Variants in CLASP1 observed in about 807,000 individuals in gnomAD.
The protein encoded by CLASP1 is CLIP-associating protein 1.
In CLASP1, 38 loss-of-function variants were observed where a neutral mutation model predicts 192.3. The ratio of observed to expected loss-of-function variants is 0.20; its 90% confidence interval spans 0.15 to 0.26. The LOEUF is 0.26. CLASP1 is among the 10% of genes least tolerant of loss of function. The probability of loss-of-function intolerance (pLI) is 1.00; values close to 1 mark genes in which losing one functional copy is unlikely to be tolerated. For missense variants in CLASP1, 1,433 were observed against 1,932.5 expected (o/e 0.74, Z 4.85); for synonymous variants, 691 against 712.8 (o/e 0.97, Z 0.49).
At chr2:121,525,730 A>C (rs1575660801) in intron 6 of CLASP1, 115 bp downstream of exon 6, 1 of 684,796 alleles carries the variant, frequency 1.5e-6, no homozygotes, top group Admixed American at 2.4e-5. Context: ...CTCTTAAATA[A>C]TCATCAGTGT....
intron 2 of CLASP1, among the ~76,000 whole-genome samples, chr2:121,600,931 T>C (rs1342990181): frequency 1.3e-5 from 2 of 152,204 alleles, no homozygotes; most frequent in East Asian, 1.9e-4. Flanking sequence ...GGTGCTGGGA[T>C]GGGCACGCAA....
intron 23 of CLASP1, among the ~76,000 whole-genome samples, chr2:121,418,373 A>G (rs1307704237): frequency 1.3e-5 from 2 of 152,276 alleles, no homozygotes; most frequent in Admixed American, 6.5e-5. Context: ...GGCTTGCCCA[A>G]GAGCAAGTGG....
At chr2:121,605,589 T>C in intron 2 of CLASP1, 112 bp downstream of exon 2, 1 of 717,020 alleles carries the variant, frequency 1.4e-6, no homozygotes, top group Non-Finnish European at 2.4e-6. Flanking sequence ...AGTGTCTTAC[T>C]AGAAACCAAG....
At chr2:121,369,818 T>G (rs999664517) in intron 34 of CLASP1, among the ~76,000 whole-genome samples, 1 of 152,258 alleles carries the variant, frequency 6.6e-6, no homozygotes, top group Non-Finnish European at 1.5e-5. Context: ...AAATAAGCTA[T>G]CTTATGGAAA....
chr2:121,563,884 C>A (rs1156237762), intron 2 of CLASP1, among the ~76,000 whole-genome samples: 1 of 152,170 alleles, frequency 6.6e-6, no homozygotes, highest in African/African-American at 2.4e-5. Context: ...GTTTATTGGA[C>A]TTACAGTTCC....
intron 19 of CLASP1, chr2:121,445,512 AG>A: frequency 7.8e-7 from 1 of 1,283,524 alleles, no homozygotes; most frequent in South Asian, 1.2e-5. Flanking sequence ...AGTTTGGAAA[AG>A]GATCATCAGC....
chr2:121,607,184 TA>T (rs1265445662), intron 1 of CLASP1, among the ~76,000 whole-genome samples: 1 of 151,586 alleles, frequency 6.6e-6, no homozygotes, highest in Non-Finnish European at 1.5e-5. Context: ...TCTAAAAATA[TA>T]AAAACTAGCC....
chr2:121,632,231 T>C (rs1161353613), intron 1 of CLASP1, among the ~76,000 whole-genome samples: 1 of 151,954 alleles, frequency 6.6e-6, no homozygotes, highest in Non-Finnish European at 1.5e-5. Flanking sequence ...GCGACAGAGC[T>C]TTGTCTCAAA....
chr2:121,414,584 AG>A (rs1195374078), intron 23 of CLASP1, among the ~76,000 whole-genome samples: 7 of 152,200 alleles, frequency 4.6e-5, no homozygotes, highest in African/African-American at 1.4e-4. Context: ...GCGGAATGGC[AG>A]TAAGACGGAT....
intron 32 of CLASP1, 112 bp downstream of exon 33, chr2:121,387,010 C>T (rs975897612): frequency 5.7e-6 from 5 of 879,076 alleles, no homozygotes; most frequent in South Asian, 1.5e-5. Context: ...GTTCTTGATA[C>T]TCAATATTCT....
chr2:121,634,152 G>A (rs2070356361), intron 1 of CLASP1, among the ~76,000 whole-genome samples: 1 of 152,132 alleles, frequency 6.6e-6, no homozygotes, highest in Admixed American at 6.6e-5. Flanking sequence ...TCCCATAGTA[G>A]CACGCTTAAT....
intron 2 of CLASP1, chr2:121,532,479 G>C (rs2094920215): frequency 6.6e-6 from 1 of 152,206 alleles, no homozygotes; most frequent in Non-Finnish European, 1.5e-5. Flanking sequence ...GTCATATGAT[G>C]TCATGAAAAC....
At chr2:121,361,524 C>T (rs1032603922) in intron 37 of CLASP1, among the ~76,000 whole-genome samples, 5 of 152,182 alleles carry the variant, frequency 3.3e-5, no homozygotes, top group African/African-American at 7.2e-5. Context: ...TTGTCCAACC[C>T]GTGGCCCAGG....
chr2:121,459,255 T>C (rs1390971453), intron 12 of CLASP1, among the ~76,000 whole-genome samples: 1 of 152,110 alleles, frequency 6.6e-6, no homozygotes, highest in Non-Finnish European at 1.5e-5. Context: ...CTTGAACTCC[T>C]GGGCTCAATC....
chr2:121,567,710 G>C (rs1363636275), intron 2 of CLASP1, among the ~76,000 whole-genome samples: 2 of 152,320 alleles, frequency 1.3e-5, no homozygotes, highest in East Asian at 3.9e-4. Context: ...CAAAATGTGT[G>C]AAACGGGCAA....
chr2:121,375,361 AT>A (rs34714381), intron 34 of CLASP1, among the ~76,000 whole-genome samples: 3,729 of 116,912 alleles, frequency 0.032, 15 homozygotes, highest in African/African-American at 0.059. Context: ...CTAGTTTCTG[AT>A]TTTTTTTTTT....
intron 7 of CLASP1, among the ~76,000 whole-genome samples, chr2:121,508,248 CAG>C (rs2150297394): frequency 6.6e-6 from 1 of 152,038 alleles, no homozygotes; most frequent in African/African-American, 2.4e-5. Flanking sequence ...AAGAAGAAAA[CAG>C]AGCTAAGTAG....
chr2:121,570,332 C>A (rs916744032), intron 2 of CLASP1, among the ~76,000 whole-genome samples: 1 of 152,210 alleles, frequency 6.6e-6, no homozygotes, highest in African/African-American at 2.4e-5. Flanking sequence ...ATTCAGTGCA[C>A]CACTAAGTAG....
At position 121,367,767 on chromosome 2, in the gene CLASP1, C is replaced by A. The variant is rs539277662; in HGVS notation, c.3707G>T (p.Gly1236Val). 5.3e-5 allele frequency: 86 copies of A among 1,613,974 alleles called. No homozygotes were observed. In the East Asian group the frequency reaches 1.9e-3, roughly 35 times the overall value. ...CTTGTTATCCAGAGCTGTCCGGCCT[C>A]CTTCTACTTCACTACCCCCCCGGCC... The change falls in exon 35 of 40, where the codon GGA becomes GTA. Residue 1236 changes from glycine (G) to valine (V), a missense_variant. Transcript: ENST00000263710.
Sources: gnomAD v4.1 joint callset for allele counts (sites outside exome capture counted in the v4.1 genomes callset) on GRCh38, gnomAD v4.1.1 for gene constraint, MANE v1.5 for transcripts, NCBI Gene and HGNC (gene_info 2026-07-23, HGNC 2026-07-21) for gene names.